ADRA1B: variants seen among roughly 807,000 people sequenced by gnomAD.
ADRA1B encodes the protein alpha-1B adrenergic receptor.
A neutral mutation model predicts 17.9 loss-of-function variants in ADRA1B; 17 were observed. That is an observed-to-expected ratio of 0.95 (90% CI 0.65 to 1.42). ADRA1B has a LOEUF of 1.42. Among genes scored for constraint, ADRA1B ranks in the 40% most tolerant of loss-of-function variants. The pLI is 0.00. For missense variants in ADRA1B, 681 were observed against 722.1 expected (o/e 0.94, Z 0.65); for synonymous variants, 366 against 327.6 (o/e 1.12, Z -1.27).
intron 1 of ADRA1B, among the ~76,000 whole-genome samples, chr5:159,939,304 T>A (rs1755049882): frequency 7.0e-5 from 10 of 141,904 alleles, no homozygotes; most frequent in African/African-American, 2.4e-4. Context: ...TGTGTGTGTG[T>A]GTGTGTGTGT....
Position 159,893,725 on chromosome 5 carries a change from G to C in ADRA1B, c.-255-22394G>C, listed in dbSNP as rs185915672. ...AGAGAACTGGGTGCTGTCTGTGGAA[G>C]GTGGGCAGACAGGCAGTCGGGGGCT... On this transcript the variant is annotated intron_variant, in intron 1 of 2. Coordinates refer to the ADRA1B transcript ENST00000641205. Among the ~76,000 whole-genome samples the C allele has an allele frequency of 4.6e-3, 696 of 152,318 alleles. 5 individuals are homozygous for C. The highest frequency in any genetic ancestry group is 6.6e-3 in the South Asian group (32 of 4,826).
intron 1 of ADRA1B, among the ~76,000 whole-genome samples, chr5:159,891,060 A>G (rs1400355155): frequency 2.0e-5 from 3 of 151,560 alleles, no homozygotes; most frequent in Admixed American, 6.6e-5. Flanking sequence ...TCCTACACCT[A>G]CCCCCCCTCT....
At chr5:159,934,319 G>A (rs965740973) in intron 1 of ADRA1B, among the ~76,000 whole-genome samples, 1 of 152,172 alleles carries the variant, frequency 6.6e-6, no homozygotes, top group Admixed American at 6.5e-5. Context: ...GTTGGGAATG[G>A]CACTAAGCCA....
In ADRA1B at chr5:159,947,113, G is replaced by A. The variant is rs558956724; in HGVS notation, c.950-24766G>A. The stretch of plus-strand genomic sequence containing the variant: ...CCCAGCACTTTGGGAGGCCGAGGTG[G>A]GCAGATCACCTGAGGTCAGGAGTTC... On this transcript the variant is annotated intron_variant, in intron 1 of 1. Coordinates refer to ENST00000306675, the MANE Select transcript of ADRA1B (RefSeq NM_000679.4). 1.5e-3 allele frequency among the ~76,000 whole-genome samples: 234 copies of A among 152,258 alleles called. 2 individuals carry two copies. Among genetic ancestry groups the A allele is most frequent in the African/African-American group, 5.4e-3 (225 of 41,528 alleles).
intron 1 of ADRA1B, among the ~76,000 whole-genome samples, chr5:159,894,376 T>C (rs1278462061): frequency 6.6e-6 from 1 of 152,244 alleles, no homozygotes; most frequent in Non-Finnish European, 1.5e-5. Flanking sequence ...AGAGAGGTTA[T>C]GCACTTCAAA....
intron 1 of ADRA1B, among the ~76,000 whole-genome samples, chr5:159,895,159 C>A (rs947604955): frequency 6.6e-6 from 1 of 152,176 alleles, no homozygotes; most frequent in African/African-American, 2.4e-5. Flanking sequence ...GAAAGGTTGA[C>A]CTAGGCCGAC....
intron 1 of ADRA1B, among the ~76,000 whole-genome samples, chr5:159,884,699 G>GA (rs1753904540): frequency 6.6e-6 from 1 of 152,078 alleles, no homozygotes; most frequent in South Asian, 2.1e-4. Flanking sequence ...GTTCTTCTTT[G>GA]AAAAAAATGT....
the ADRA1B span, among the ~76,000 whole-genome samples, chr5:159,979,634 G>A: frequency 7.2e-5 from 11 of 152,206 alleles, no homozygotes; most frequent in Admixed American, 1.3e-4. Context: ...TTTGGAGGCC[G>A]TGGAGGGCGG....
At chr5:159,883,131 C>G (rs952947780) in intron 1 of ADRA1B, among the ~76,000 whole-genome samples, 1 of 152,198 alleles carries the variant, frequency 6.6e-6, no homozygotes, top group Non-Finnish European at 1.5e-5. Context: ...CAAGCAAGCT[C>G]TCTATCTCAC....
chr5:159,924,014 C>A (rs1446248494), intron 1 of ADRA1B, among the ~76,000 whole-genome samples: 1 of 152,250 alleles, frequency 6.6e-6, no homozygotes, highest in Non-Finnish European at 1.5e-5. Flanking sequence ...CTATCAAACA[C>A]CACATTTGGC....
chr5:159,973,068 T>G (rs1354164426), downstream of ADRA1B, among the ~76,000 whole-genome samples: 1 of 152,236 alleles, frequency 6.6e-6, no homozygotes, highest in African/African-American at 2.4e-5. Flanking sequence ...TTCCTCTTCC[T>G]TCCGCTTCGG....
At chr5:159,896,531 C>A (rs1334942294) in intron 1 of ADRA1B, among the ~76,000 whole-genome samples, 1 of 152,112 alleles carries the variant, frequency 6.6e-6, no homozygotes, top group Non-Finnish European at 1.5e-5. Context: ...GGTGTGTGCT[C>A]AGAGAAGAAA....
At chr5:159,894,276 T>C (rs1465325490) in intron 1 of ADRA1B, among the ~76,000 whole-genome samples, 1 of 152,256 alleles carries the variant, frequency 6.6e-6, no homozygotes, top group Non-Finnish European at 1.5e-5. Flanking sequence ...TATGTGCTGG[T>C]TGGGAAAACA....
chr5:159,867,656 T>C (rs1389026184), intron 1 of ADRA1B, among the ~76,000 whole-genome samples: 1 of 152,210 alleles, frequency 6.6e-6, no homozygotes, highest in African/African-American at 2.4e-5. Context: ...AACCAACTGC[T>C]AAGACAATAA....
chr5:159,943,806 T>G (rs1300171456), intron 1 of ADRA1B, among the ~76,000 whole-genome samples: 1 of 152,096 alleles, frequency 6.6e-6, no homozygotes, highest in Non-Finnish European at 1.5e-5. Context: ...TTTCTCATTT[T>G]GTAATTAAAA....
intron 1 of ADRA1B, among the ~76,000 whole-genome samples, chr5:159,906,781 G>A (rs76502785): frequency 5.3e-5 from 8 of 152,194 alleles, no homozygotes; most frequent in African/African-American, 1.9e-4. Flanking sequence ...CCAAACTTTC[G>A]CACCTGGAGA....
chr5:159,969,088 C>T (rs1755822345), intron 1 of ADRA1B, among the ~76,000 whole-genome samples: 1 of 152,122 alleles, frequency 6.6e-6, no homozygotes, highest in African/African-American at 2.4e-5. Context: ...ATGGTGAGAC[C>T]CAAATCTAAT....
intron 1 of ADRA1B, among the ~76,000 whole-genome samples, chr5:159,873,408 C>T (rs1045615535): frequency 6.6e-6 from 1 of 152,190 alleles, no homozygotes; most frequent in African/African-American, 2.4e-5. Flanking sequence ...TCAGCATGAG[C>T]TTGGCAGCCT....
intron 1 of ADRA1B, chr5:159,950,620 G>C (rs1755409169): frequency 1.2e-6 from 1 of 866,546 alleles, no homozygotes; most frequent in Non-Finnish European, 2.0e-6. Flanking sequence ...AGCATCAAAG[G>C]TGGAGGAGTG....
Sources: allele counts gnomAD v4.1 joint callset (sites outside exome capture counted in the v4.1 genomes callset), GRCh38; gene constraint gnomAD v4.1.1; transcripts MANE v1.5; gene names NCBI Gene and HGNC (gene_info 2026-07-23, HGNC 2026-07-21).